The following PCDH11X variants were observed in gnomAD, a reference collection of about 807,000 sequenced individuals.
The protein encoded by PCDH11X is protocadherin-11 X-linked.
A neutral mutation model predicts 53.3 loss-of-function variants in PCDH11X; 18 were observed. The observed-to-expected ratio is 0.34, with a 90% confidence interval of 0.23 to 0.50. PCDH11X has a LOEUF of 0.50. Ranked by LOEUF, PCDH11X falls within the 20% of genes least tolerant of loss-of-function variation. The probability of loss-of-function intolerance (pLI) is 0.98; values close to 1 mark genes in which losing one functional copy is unlikely to be tolerated. For missense variants in PCDH11X, 570 were observed against 1,032.4 expected (o/e 0.55, Z 6.14); for synonymous variants, 279 against 393.3 (o/e 0.71, Z 3.44).
chrX:92,200,589 G>A (rs1240555943), intron 6 of PCDH11X, among the ~76,000 whole-genome samples: 1 of 111,893 alleles, frequency 8.9e-6, no homozygotes, highest in Non-Finnish European at 1.9e-5. Context: ...GAACATCTTT[G>A]GTAAAATCTG....
chrX:92,095,165 A>G (rs2064115483), intron 6 of PCDH11X, among the ~76,000 whole-genome samples: 1 of 110,842 alleles, frequency 9.0e-6, no homozygotes, highest in Non-Finnish European at 1.9e-5. Flanking sequence ...CTAGGTTGTC[A>G]TTAGTGTTTC....
rs773563596 is a variant in PCDH11X, at chrX:92,000,359, G to A, written c.3033+121086G>A. 2.4e-4 allele frequency among the ~76,000 whole-genome samples: 27 copies of A among 111,070 alleles called. No homozygotes were observed. The South Asian group carries it at 8.3e-3, about 34-fold the overall frequency. ...TTACAGCATACGATGAAATAAAATA[G>A]TATTTAATATATTACATATTTAGTT... On this transcript the variant is annotated intron_variant, in intron 6 of 10. Coordinates refer to ENST00000682573, the MANE Select transcript of PCDH11X (RefSeq NM_032968.5).
chrX:92,488,563 T>C (rs2073692696), intron 10 of PCDH11X, among the ~76,000 whole-genome samples: 1 of 110,965 alleles, frequency 9.0e-6, no homozygotes, highest in Non-Finnish European at 1.9e-5. Context: ...CTCAAATTAG[T>C]AATTATATAT....
At chrX:92,201,155 C>CT (rs773014723) in intron 6 of PCDH11X, 8 of 133,296 alleles carry the variant, frequency 6.0e-5, no homozygotes, top group Non-Finnish European at 1.1e-4. Context: ...AATTTCTTTT[C>CT]TTTTTTTTCT....
At chrX:92,276,477 T>C (rs1383064669) in intron 8 of PCDH11X, among the ~76,000 whole-genome samples, 1 of 110,253 alleles carries the variant, frequency 9.1e-6, no homozygotes, top group Non-Finnish European at 1.9e-5. Flanking sequence ...AATCCTGGGC[T>C]GCAGGCATTC....
intron 7 of PCDH11X, among the ~76,000 whole-genome samples, chrX:92,255,920 TAC>T (rs1281506479): frequency 1.8e-5 from 2 of 112,547 alleles, no homozygotes; most frequent in Non-Finnish European, 3.8e-5. Context: ...AGGTGGAGCC[TAC>T]AGAGGCAGGC....
chrX:92,128,457 A>G (rs2148191177), intron 6 of PCDH11X, among the ~76,000 whole-genome samples: 1 of 106,857 alleles, frequency 9.4e-6, no homozygotes, highest in African/African-American at 3.4e-5. Flanking sequence ...AAGTCCAATG[A>G]CACGATCTCG....
intron 6 of PCDH11X, chrX:91,882,783 A>G: frequency 9.7e-7 from 1 of 1,031,959 alleles, no homozygotes; most frequent in Non-Finnish European, 1.3e-6. Flanking sequence ...TGTAAAATTC[A>G]GTAACTTTGA....
At chrX:92,378,055 A>G (rs1490553316) in intron 8 of PCDH11X, among the ~76,000 whole-genome samples, 1 of 107,667 alleles carries the variant, frequency 9.3e-6, no homozygotes, top group East Asian at 2.9e-4. Flanking sequence ...TCTGATCAAT[A>G]CAATGTATTT....
intron 6 of PCDH11X, among the ~76,000 whole-genome samples, chrX:92,198,438 C>T (rs1328016131): frequency 2.1e-5 from 1 of 46,596 alleles, no homozygotes; most frequent in African/African-American, 6.0e-5. Flanking sequence ...AAAAAAAAAT[C>T]ACAAAACCAC....
chrX:91,848,532 C>T (rs1310319233), intron 5 of PCDH11X, among the ~76,000 whole-genome samples: 1 of 111,657 alleles, frequency 9.0e-6, no homozygotes, highest in East Asian at 2.8e-4. Context: ...TTTTGTTATA[C>T]TTTCCTGTGT....
intron 5 of PCDH11X, among the ~76,000 whole-genome samples, chrX:91,864,028 A>G (rs1044368681): frequency 9.0e-6 from 1 of 111,667 alleles, no homozygotes; most frequent in African/African-American, 3.3e-5. Context: ...TAGTTTACAC[A>G]TTACAGTTAC....
chrX:92,452,146 T>G (rs2072796468), intron 9 of PCDH11X, among the ~76,000 whole-genome samples: 1 of 107,002 alleles, frequency 9.3e-6, no homozygotes, highest in Non-Finnish European at 1.9e-5. Context: ...CTGAGAATAT[T>G]TATTCATGTA....
chrX:92,180,066 T>A (rs1259668959), intron 6 of PCDH11X, among the ~76,000 whole-genome samples: 1 of 112,355 alleles, frequency 8.9e-6, no homozygotes, highest in Non-Finnish European at 1.9e-5. Context: ...ATGACTCACA[T>A]TTCTGCAGGC....
chrX:92,475,646 G>A lies in PCDH11X; in HGVS notation c.3367+7324G>A, dbSNP rs140636215. On this transcript the variant is annotated intron_variant, in intron 10 of 10. Transcript: ENST00000682573. ...ACCTTTGGGAGTTTGATTATTAAAT[G>A]CTTCGAGATAGTCTCTTTTGGGTTA... 5.4e-3 allele frequency among the ~76,000 whole-genome samples: 597 copies of A among 111,564 alleles called. 12 individuals are homozygous for A. In the East Asian group the frequency reaches 0.089, roughly 17 times the overall value.
chrX:92,046,276 T>C (rs1246015509), intron 6 of PCDH11X, among the ~76,000 whole-genome samples: 2 of 111,957 alleles, frequency 1.8e-5, no homozygotes, highest in Non-Finnish European at 3.8e-5. Context: ...CACAACATTC[T>C]CTATGTTAGT....
chrX:92,442,337 G>A (rs948626033), intron 9 of PCDH11X, among the ~76,000 whole-genome samples: 1 of 110,666 alleles, frequency 9.0e-6, no homozygotes, highest in African/African-American at 3.3e-5. Flanking sequence ...TGGTTTGGCT[G>A]TGTCCACACC....
intron 6 of PCDH11X, among the ~76,000 whole-genome samples, chrX:92,093,271 A>T (rs1242380170): frequency 8.9e-6 from 1 of 111,785 alleles, no homozygotes; most frequent in Non-Finnish European, 1.9e-5. Context: ...TCATCCTCAC[A>T]TGCTGAAAAG....
chrX:92,208,788 G>A (rs1377033653), intron 7 of PCDH11X, among the ~76,000 whole-genome samples: 2 of 106,979 alleles, frequency 1.9e-5, no homozygotes, highest in Admixed American at 2.1e-4. Context: ...AACTACCTGA[G>A]ATTGGGTAAT....
Sources: gnomAD v4.1 joint callset for allele counts (sites outside exome capture counted in the v4.1 genomes callset) on GRCh38, gnomAD v4.1.1 for gene constraint, MANE v1.5 for transcripts, NCBI Gene and HGNC (gene_info 2026-07-23, HGNC 2026-07-21) for gene names.